The following AKAP9 variants were observed in gnomAD, a reference collection of about 807,000 sequenced individuals.
The protein encoded by AKAP9 is A-kinase anchor protein 9.
In AKAP9, 311 loss-of-function variants were observed where a neutral mutation model predicts 488.5. The ratio of observed to expected loss-of-function variants is 0.64; its 90% confidence interval spans 0.58 to 0.70. AKAP9 has a LOEUF of 0.70. Among genes scored for constraint, AKAP9 ranks in the 30% least tolerant of loss-of-function variants. The pLI is 0.00. For synonymous variants in AKAP9, 1,462 were observed against 1,483.5 expected, an observed-to-expected ratio of 0.99 and a Z score of 0.33; for missense variants, 4,215 against 4,374.5, an observed-to-expected ratio of 0.96 and a Z score of 1.03.
intron 1 of AKAP9, among the ~76,000 whole-genome samples, chr7:91,948,976 C>G (rs1791856509): frequency 6.6e-6 from 1 of 152,088 alleles, no homozygotes; most frequent in African/African-American, 2.4e-5. Flanking sequence ...GTCTTGAACT[C>G]CTGACCTCAG....
intron 1 of AKAP9, among the ~76,000 whole-genome samples, chr7:91,952,012 CT>C (rs1353066679): frequency 6.6e-6 from 1 of 152,204 alleles, no homozygotes; most frequent in Admixed American, 6.5e-5. Flanking sequence ...TATTCATCTT[CT>C]CTGGTTCATC....
At chr7:92,050,325 G>A (rs1477041431) in intron 21 of AKAP9, among the ~76,000 whole-genome samples, 1 of 151,774 alleles carries the variant, frequency 6.6e-6, no homozygotes, top group African/African-American at 2.4e-5. Flanking sequence ...TTGAACTCCT[G>A]ACCTCGTGAT....
intron 3 of AKAP9, among the ~76,000 whole-genome samples, chr7:91,985,591 G>A (rs1282711291): frequency 6.6e-6 from 1 of 152,050 alleles, no homozygotes; most frequent in Non-Finnish European, 1.5e-5. Context: ...TTGTGTCTCT[G>A]CCAGGCTTTG....
chr7:92,092,061 A>G (rs1488638958), intron 38 of AKAP9: 1 of 152,202 alleles, frequency 6.6e-6, no homozygotes, highest in Admixed American at 6.5e-5. Context: ...CCTAAATCCT[A>G]AAATAATGAC....
intron 3 of AKAP9, among the ~76,000 whole-genome samples, chr7:91,983,872 A>G (rs576755570): frequency 2.0e-5 from 3 of 152,156 alleles, no homozygotes; most frequent in South Asian, 2.1e-4. Context: ...TTTCATTTGC[A>G]TTTCTCTGAT....
chr7:91,971,078 C>G (rs1795018814), intron 1 of AKAP9, among the ~76,000 whole-genome samples: 1 of 152,162 alleles, frequency 6.6e-6, no homozygotes, highest in Non-Finnish European at 1.5e-5. Context: ...ACAAGCCAGA[C>G]AGTGAAGACT....
intron 1 of AKAP9, among the ~76,000 whole-genome samples, chr7:91,942,794 A>G (rs181413722): frequency 6.2e-4 from 95 of 152,282 alleles, no homozygotes; most frequent in Non-Finnish European, 1.1e-3. Context: ...AATTCTATGT[A>G]TGGGGTAAAA....
At chr7:92,055,171 T>C (rs1808568671) in intron 22 of AKAP9, among the ~76,000 whole-genome samples, 1 of 152,092 alleles carries the variant, frequency 6.6e-6, no homozygotes, top group Non-Finnish European at 1.5e-5. Flanking sequence ...TTTTACGGGC[T>C]TCCTAATACT....
At chr7:91,988,693 A>G (rs912949636) in intron 3 of AKAP9, among the ~76,000 whole-genome samples, 4 of 152,198 alleles carry the variant, frequency 2.6e-5, no homozygotes, top group African/African-American at 9.6e-5. Flanking sequence ...AAGATGTAAG[A>G]AAAGAGCAGG....
intron 46 of AKAP9, among the ~76,000 whole-genome samples, chr7:92,103,538 C>CA (rs1817972997): frequency 6.8e-6 from 1 of 147,904 alleles, no homozygotes; most frequent in East Asian, 2.1e-4. Flanking sequence ...TAAAAGTGTA[C>CA]AAAAAAATTA....
intron 22 of AKAP9, among the ~76,000 whole-genome samples, chr7:92,055,011 GA>G (rs1270728786): frequency 2.0e-5 from 3 of 151,962 alleles, no homozygotes; most frequent in Non-Finnish European, 4.4e-5. Context: ...TCTTCTTTGG[GA>G]GTAGTTTTTC....
At chr7:91,996,427 C>G (rs752447900) in intron 7 of AKAP9, among the ~76,000 whole-genome samples, 1 of 152,062 alleles carries the variant, frequency 6.6e-6, no homozygotes, top group Non-Finnish European at 1.5e-5. Context: ...GAGGCCACCC[C>G]ACTAACAGGT....
In AKAP9 at chr7:92,045,213, G is replaced by C; in HGVS notation, c.5368G>C (p.Val1790Leu). 1 of 1,613,214 alleles carries C rather than the reference G, an allele frequency of 6.2e-7. No homozygotes were observed. Among genetic ancestry groups the C allele is most frequent in the Non-Finnish European group, 8.5e-7 (1 of 1,179,376 alleles). Residue 1790 changes from valine (V) to leucine (L), a missense_variant and splice_region_variant, in exon 21 of 50, where the codon GTT (valine) becomes CTT (leucine). Coordinates refer to ENST00000356239, the MANE Select transcript of AKAP9 (RefSeq NM_005751.5). ...KSCVHEEHTR[V>L]TDESIPSYSG... ...ATGTGTCCATGAGGAACATACAAGA[G>C]GTACTAGTTTTCTGTGTTGTGGAAA... is the stretch of plus-strand genomic sequence containing the variant.
intron 16 of AKAP9, among the ~76,000 whole-genome samples, chr7:92,034,816 A>T (rs1032917153): frequency 2.6e-5 from 4 of 151,794 alleles, no homozygotes; most frequent in African/African-American, 9.7e-5. Flanking sequence ...TTCTTTTATC[A>T]TTTAATGTCT....
In AKAP9 at chr7:92,022,799, CTT is replaced by C. The variant is rs749789996; in HGVS notation, c.3953-13_3953-12del. 8.5e-6 allele frequency: 13 copies of C among 1,526,886 alleles called. No homozygotes were observed. The highest frequency in any genetic ancestry group is 4.6e-5 in the South Asian group (4 of 87,856). The allele number at this position is 1,526,886 out of a possible 1,614,324, so 94.6% of individuals were successfully genotyped here. ...ATATTGAAATGTGCATTTTTTGTCT[CTT>C]TATATAACATAGATGTCAATCATAA... On this transcript the variant is annotated splice_polypyrimidine_tract_variant and intron_variant, in intron 13 of 49. Coordinates refer to ENST00000356239, the MANE Select transcript of AKAP9 (RefSeq NM_005751.5).
chr7:92,061,621 A>ATATATATATATATAT lies in AKAP9; in HGVS notation c.5764+199_5764+200insTATATATATATATAT, dbSNP rs1809856756. Among the ~76,000 whole-genome samples, 60 of 93,824 alleles carry ATATATATATATATAT rather than the reference A, an allele frequency of 6.4e-4. 1 individual carries two copies. Among genetic ancestry groups the ATATATATATATATAT allele is most frequent in the African/African-American group, 2.2e-3 (55 of 24,468 alleles). The allele number at this position is 93,824 out of a possible 152,430, so 61.6% of individuals were successfully genotyped here. A position where few individuals can be genotyped will look rare whatever the true frequency, so the allele number is the denominator to read the frequency against. ...ATATATATATATATATATATATATA[A>ATATATATATATATAT]AATTATAAAAAGAATTTATAGAGTT... On this transcript the variant is annotated intron_variant, in intron 23 of 49. Transcript: ENST00000356239.
intron 13 of AKAP9, 73 bp downstream of exon 13, chr7:92,022,425 A>G: frequency 9.5e-7 from 1 of 1,049,746 alleles, no homozygotes; most frequent in South Asian, 1.3e-5. Context: ...TTTACTTTAA[A>G]ATGTGAGCTA....
At position 92,082,639 on chromosome 7, in the gene AKAP9, G is replaced by A. The variant is rs1813784032; in HGVS notation, c.8137G>A (p.Glu2713Lys). 1 of 1,613,848 alleles carries A rather than the reference G, an allele frequency of 6.2e-7. No homozygotes were observed. The highest frequency in any genetic ancestry group is 1.1e-5 in the South Asian group (1 of 91,084). The change falls in exon 32 of 50, where the codon GAA becomes AAA. Residue 2713 changes from glutamate to lysine, a missense_variant. Glu to Lys is a moderately conservative substitution (Grantham distance 56, BLOSUM62 1). This residue lies in a region of AKAP9 where 1,476 missense variants were observed against 1,477.4 expected (regional missense o/e 1.00). Transcript: ENST00000356239. The part of the protein sequence containing the change: ...AELASYKEKA[E>K]KLQEELLVKE... ...ACTTGCCAGTTATAAAGAAAAGGCT[G>A]AAAAACTTCAAGAAGAGCTTTTGGT...
At position 92,079,809 on chromosome 7, in the gene AKAP9, T is replaced by C. The variant is rs778984803; in HGVS notation, c.7676T>C (p.Ile2559Thr). 1.2e-6 allele frequency: 2 copies of C among 1,614,102 alleles called. No individual in the cohort carries two copies. Among genetic ancestry groups the C allele is most frequent in the South Asian group, 1.1e-5 (1 of 91,082 alleles). The change falls in exon 31 of 50, where the codon ATC (isoleucine) becomes ACC (threonine). Residue 2559 changes from isoleucine (I) to threonine (T), a missense_variant. This residue lies in a region of AKAP9 where 1,476 missense variants were observed against 1,477.4 expected (regional missense o/e 1.00). Transcript: ENST00000356239. ...GTGGCTGCTGCTCTTGTCAGTCAAA[T>C]CCAACTTGAGGCAGTTCAGGAATAT... ...EKVAAALVSQ[I>T]QLEAVQEYAK...
Sources: allele counts gnomAD v4.1 joint callset (sites outside exome capture counted in the v4.1 genomes callset), GRCh38; gene constraint gnomAD v4.1.1; regional missense constraint gnomAD v4.1.1; transcripts MANE v1.5; gene names NCBI Gene and HGNC (gene_info 2026-07-23, HGNC 2026-07-21).